Variants in ZNF358 observed in about 807,000 individuals in gnomAD.
ZNF358 encodes zinc finger protein 358.
ZNF358 carries 1 observed loss-of-function variant against 2.1 expected under a neutral mutation model. That is an observed-to-expected ratio of 0.49 (90% CI 0.17 to 2.30). The LOEUF (loss-of-function observed/expected upper bound fraction) is 2.30. Ranked by LOEUF, ZNF358 falls within the 30% of genes most tolerant of loss-of-function variation. The pLI is 0.26. For missense variants in ZNF358, 665 were observed against 806.8 expected (o/e 0.82, Z 2.13); for synonymous variants, 381 against 359.7 (o/e 1.06, Z -0.67).
chr19:7,519,757 C>G lies in ZNF358; in HGVS notation c.515C>G (p.Thr172Arg). The G allele has an allele frequency of 6.5e-7, 1 of 1,528,326 alleles. No homozygotes were observed. The highest frequency in any genetic ancestry group is 8.7e-7 in the Non-Finnish European group (1 of 1,144,220). 94.7% of individuals were successfully genotyped at this position (1,528,326 alleles called of 1,614,324 possible). Residue 172 changes from threonine to arginine, a missense_variant, in exon 2 of 2, where the codon ACG becomes AGG. Thr to Arg is a moderately conservative substitution (Grantham distance 71). Coordinates refer to ENST00000597229, the MANE Select transcript of ZNF358 (RefSeq NM_018083.5). ...TCCGGGCTGAGCCAGCATCGCCGCA[C>G]GCACAGCGGCGAGAAGCCGTACCGC... ...RSSGLSQHRR[T>R]HSGEKPYRCP...
At position 7,520,028 on chromosome 19, in the gene ZNF358, C is replaced by G. The variant is rs1178421537; in HGVS notation, c.786C>G (p.Pro262=). The change falls in exon 2 of 2, where the codon CCC becomes CCG. Residue 262 remains proline, a synonymous_variant. Coordinates refer to ENST00000597229, the MANE Select transcript of ZNF358 (RefSeq NM_018083.5). This position sits in a 1 kb window ranked among gnomAD's most constrained non-coding sequence, Gnocchi z 6.0. ...QHLRTHGGPR[P]HKCPVCAKGF... is the part of the protein sequence containing the mutation. ...TGCGCACGCACGGCGGCCCGCGGCC[C>G]CACAAGTGCCCGGTGTGCGCCAAGG... The G allele has an allele frequency of 3.2e-6, 5 of 1,539,706 alleles. No homozygotes were observed. The highest frequency in any genetic ancestry group is 1.2e-5 in the South Asian group (1 of 85,398).
chr19:7,520,859 C>T lies in ZNF358; in HGVS notation c.1617C>T (p.Pro539=). 1.9e-6 allele frequency: 3 copies of T among 1,614,144 alleles called. No individual in the cohort carries two copies. Among genetic ancestry groups the T allele is most frequent in the Non-Finnish European group, 2.5e-6 (3 of 1,180,036 alleles). Residue 539 remains proline, a synonymous_variant, in exon 2 of 2, where the codon CCC becomes CCT. Transcript: ENST00000597229. The surrounding 1 kb of genome is among the most constrained non-coding windows in gnomAD (Gnocchi z 6.0). ...TGTCCTGCCCTGACCCCTGTTCTCC[C>T]ACTCGTGGCACTGTCAGCCCAGCCC... ...NPVSCPDPCS[P]TRGTVSPALP...
chr19:7,520,971 G>C lies in ZNF358; in HGVS notation c.*22G>C, dbSNP rs532816382. ...CTGAAGGAGACGCCGGCATCCTCGG[G>C]GGCCTGGGGAAGTTGTGTGTTGTGC... is the stretch of plus-strand genomic sequence containing the variant. On this transcript the variant is annotated 3_prime_UTR_variant, in exon 2 of 2. Coordinates refer to ENST00000597229, the MANE Select transcript of ZNF358 (RefSeq NM_018083.5). This position sits in a 1 kb window ranked among gnomAD's most constrained non-coding sequence, Gnocchi z 6.0. 3 of 1,606,898 alleles carry C rather than the reference G, an allele frequency of 1.9e-6. No individual in the cohort carries two copies. In the South Asian group the frequency reaches 3.3e-5, roughly 18 times the overall value.
Position 7,519,851 on chromosome 19 carries a change from GGCGCGGCCGTACCAGT to G in ZNF358, c.618_633del (p.Tyr207AlafsTer12). 3 of 1,530,510 alleles carry G rather than the reference GGCGCGGCCGTACCAGT, an allele frequency of 2.0e-6. No individual in the cohort carries two copies. The highest frequency in any genetic ancestry group is 2.6e-6 in the Non-Finnish European group (3 of 1,145,058). 94.8% of individuals were successfully genotyped at this position (1,530,510 alleles called of 1,614,324 possible). A position where few individuals can be genotyped will look rare whatever the true frequency, so the allele number is the denominator to read the frequency against. ...CTCAGCACCGTGGCATCCACACTGG[GGCGCGGCCGTACCAGT>G]GCGCGGCCTGCGGCAAGGCCTTCGG... On this transcript the variant is annotated frameshift_variant, in exon 2 of 2. Transcript: ENST00000597229. LOFTEE classifies it low-confidence loss of function (END_TRUNC).
rs774882581 is a variant in ZNF358 at position 7,519,728 on chromosome 19, C to A, written c.486C>A (p.Arg162=). The change falls in exon 2 of 2, where the codon CGC becomes CGA. Residue 162 remains arginine, a synonymous_variant. Transcript: ENST00000597229. ...SCPDCGRAFR[R]SSGLSQHRRT... ...CGGATTGCGGGCGAGCCTTCCGCCG[C>A]AGCTCCGGGCTGAGCCAGCATCGCC... 19 of 1,560,390 alleles carry A rather than the reference C, an allele frequency of 1.2e-5. No individual in the cohort carries two copies. The Admixed American group carries it at 3.3e-4, about 27-fold the overall frequency.
upstream of ZNF358, among the ~76,000 whole-genome samples, chr19:7,514,789 C>T (rs2022313874): frequency 6.6e-6 from 1 of 152,144 alleles, no homozygotes; most frequent in South Asian, 2.1e-4. Context: ...CCTGCCACCA[C>T]GCCTGGCTAA....
rs1402220049 is a variant in ZNF358 at position 7,516,427 on chromosome 19, C to T, written c.-39+178C>T. ...TCGCGGGAGCGATGGGGAGGGGACT[C>T]TGCGGCCAGCTCCGGCCTAGCGCAC... On this transcript the variant is annotated intron_variant, in intron 1 of 1. Transcript: ENST00000597229. The surrounding 1 kb of genome is among the most constrained non-coding windows in gnomAD (Gnocchi z 5.9). Among the ~76,000 whole-genome samples the T allele has an allele frequency of 6.6e-6, 1 of 150,718 alleles. No individual in the cohort carries two copies. Among genetic ancestry groups the T allele is most frequent in the Non-Finnish European group, 1.5e-5 (1 of 67,598 alleles).
At position 7,521,000 on chromosome 19, in the gene ZNF358, C is replaced by T. The variant is rs1261153451; in HGVS notation, c.*51C>T. 6.3e-7 allele frequency: 1 copy of T among 1,576,066 alleles called. No homozygotes were observed. The highest frequency in any genetic ancestry group is 8.6e-7 in the Non-Finnish European group (1 of 1,158,560). ...CTGGGGAAGTTGTGTGTTGTGCAGT[C>T]AGTAAAATCCTCCCACTGCCTCCGG... On this transcript the variant is annotated 3_prime_UTR_variant, in exon 2 of 2. Coordinates refer to ENST00000597229, the MANE Select transcript of ZNF358 (RefSeq NM_018083.5). The surrounding 1 kb of genome is among the most constrained non-coding windows in gnomAD (Gnocchi z 6.0).
upstream of ZNF358, chr19:7,515,968 G>T (rs969419148): frequency 6.6e-6 from 1 of 151,908 alleles, no homozygotes; most frequent in African/African-American, 2.4e-5. Flanking sequence ...GCAGACAAAG[G>T]CGCGGCCGCG....
rs1161969465 is a variant in ZNF358 at position 7,520,546 on chromosome 19, T to C, written c.1304T>C (p.Val435Ala). Residue 435 changes from valine to alanine, a missense_variant, in exon 2 of 2, where the codon GTC becomes GCC. Around this residue, in one of 3 missense-constraint regions of ZNF358, gnomAD observed 249 missense variants for 227.6 expected, o/e 1.09. Transcript: ENST00000597229. The surrounding 1 kb of genome is among the most constrained non-coding windows in gnomAD (Gnocchi z 6.0). ...GCATCCATGATGAGGCCGGGGCAGG[T>C]CTCCCTCCTGGGTCCTGATGCTGTT... ...SPASMMRPGQ[V>A]SLLGPDAVSV... 1 of 1,260,700 alleles carries C rather than the reference T, an allele frequency of 7.9e-7. No individual in the cohort carries two copies. The highest frequency in any genetic ancestry group is 1.1e-6 in the Non-Finnish European group (1 of 882,862). 78.1% of individuals were successfully genotyped at this position (1,260,700 alleles called of 1,614,324 possible).
rs2022334623 is a variant in ZNF358, at chr19:7,516,150, G to T, written c.-138G>T. 6.9e-6 allele frequency: 1 copy of T among 145,782 alleles called. No individual in the cohort carries two copies. The highest frequency in any genetic ancestry group is 1.5e-5 in the Non-Finnish European group (1 of 65,422). The allele number at this position is 145,782 out of a possible 1,614,324, so 9.0% of individuals were successfully genotyped here. On this transcript the variant is annotated 5_prime_UTR_variant, in exon 1 of 2. Transcript: ENST00000597229. The surrounding 1 kb of genome is among the most constrained non-coding windows in gnomAD (Gnocchi z 5.9). ...CTGGCGGGGCCGCTGGGCCGAGGGG[G>T]CCGCCGGCGGGGCTGGCGGGCGGGG... is the stretch of plus-strand genomic sequence containing the variant.
At position 7,519,994 on chromosome 19, in the gene ZNF358, C is replaced by A; in HGVS notation, c.752C>A (p.Ala251Glu). 6.6e-7 allele frequency: 1 copy of A among 1,518,876 alleles called. No individual in the cohort carries two copies. The highest frequency in any genetic ancestry group is 8.8e-7 in the Non-Finnish European group (1 of 1,139,212). The allele number at this position is 1,518,876 out of a possible 1,614,324, so 94.1% of individuals were successfully genotyped here. A position where few individuals can be genotyped will look rare whatever the true frequency, so the allele number is the denominator to read the frequency against. ...GCCTTCGGGCACGGCTCGCTCCTGGCACAGCACCTGCGCACGCACGGCGGC... is the reference window on the plus strand; with the variant it reads ...GCCTTCGGGCACGGCTCGCTCCTGGAACAGCACCTGCGCACGCACGGCGGC... ...GKAFGHGSLL[A>E]QHLRTHGGPR... is the part of the protein sequence containing the mutation. The change falls in exon 2 of 2, where the codon GCA (alanine) becomes GAA (glutamate). Residue 251 changes from alanine (A) to glutamate (E), a missense_variant. Ala to Glu is a moderately radical substitution (Grantham distance 107). Coordinates refer to ENST00000597229, the MANE Select transcript of ZNF358 (RefSeq NM_018083.5).
At position 7,519,982 on chromosome 19, in the gene ZNF358, G is replaced by T. The variant is rs1299878185; in HGVS notation, c.740G>T (p.Gly247Val). The change falls in exon 2 of 2, where the codon GGC (glycine) becomes GTC (valine). Residue 247 changes from glycine to valine, a missense_variant. By Grantham distance (109) the Gly-to-Val change is moderately radical. Coordinates refer to ENST00000597229, the MANE Select transcript of ZNF358 (RefSeq NM_018083.5). The part of the protein sequence containing the change: ...CPVCGKAFGH[G>V]SLLAQHLRTH... ...GTGTGTGGCAAGGCCTTCGGGCACG[G>T]CTCGCTCCTGGCACAGCACCTGCGC... The T allele has an allele frequency of 6.6e-7, 1 of 1,518,832 alleles. No individual in the cohort carries two copies. Among genetic ancestry groups the T allele is most frequent in the South Asian group, 1.2e-5 (1 of 81,992 alleles). 94.1% of individuals were successfully genotyped at this position (1,518,832 alleles called of 1,614,324 possible).
intron 1 of ZNF358, among the ~76,000 whole-genome samples, chr19:7,518,280 C>G (rs1186537384): frequency 6.6e-6 from 1 of 152,110 alleles, no homozygotes; most frequent in Admixed American, 6.6e-5. Flanking sequence ...TCCTTGCAGT[C>G]AGAGACAAGG....
chr19:7,518,131 G>A (rs2022370820), intron 1 of ZNF358, among the ~76,000 whole-genome samples: 1 of 152,204 alleles, frequency 6.6e-6, no homozygotes, highest in South Asian at 2.1e-4. Flanking sequence ...GAGGTGCAGA[G>A]CCATGGAGTT....
At chr19:7,518,557 G>GAGAAAAAGAA (rs2022385859) in intron 1 of ZNF358, among the ~76,000 whole-genome samples, 1 of 116,066 alleles carries the variant, frequency 8.6e-6, no homozygotes, top group Non-Finnish European at 1.7e-5. Flanking sequence ...GAGAGAGAGA[G>GAGAAAAAGAA]AGAAAGAAAG....
rs1483227643 is a variant in ZNF358 at position 7,519,902 on chromosome 19, C to G, written c.660C>G (p.Ser220=). 6.5e-7 allele frequency: 1 copy of G among 1,528,260 alleles called. No homozygotes were observed. Among genetic ancestry groups the G allele is most frequent in the Admixed American group, 2.0e-5 (1 of 50,446 alleles). 94.7% of individuals were successfully genotyped at this position (1,528,260 alleles called of 1,614,324 possible). A position where few individuals can be genotyped will look rare whatever the true frequency, so the allele number is the denominator to read the frequency against. The change falls in exon 2 of 2, where the codon TCC becomes TCG. Residue 220 remains serine (S), a synonymous_variant. Coordinates refer to ENST00000597229, the MANE Select transcript of ZNF358 (RefSeq NM_018083.5). Reference sequence around the variant, plus strand: ...GCGGCAAGGCCTTCGGCTGGCGCTCCACGCTGCTGAAACATCGCAGCAGCC... The same window carrying G: ...GCGGCAAGGCCTTCGGCTGGCGCTCGACGCTGCTGAAACATCGCAGCAGCC... ...AACGKAFGWR[S]TLLKHRSSHS...
chr19:7,516,928 C>T lies in ZNF358; in HGVS notation c.-39+679C>T, dbSNP rs1395636587. Among the ~76,000 whole-genome samples, 1 of 152,094 alleles carries T rather than the reference C, an allele frequency of 6.6e-6. No individual in the cohort carries two copies. The highest frequency in any genetic ancestry group is 1.5e-5 in the Non-Finnish European group (1 of 68,000). Reference sequence around the variant, plus strand: ...CTCTGCCCCTGATGCAGGAGGGGTCCCAGGTCTTGTTTCCCCCACTCTCCA... The same window carrying T: ...CTCTGCCCCTGATGCAGGAGGGGTCTCAGGTCTTGTTTCCCCCACTCTCCA... On this transcript the variant is annotated intron_variant, in intron 1 of 1. Coordinates refer to ENST00000597229, the MANE Select transcript of ZNF358 (RefSeq NM_018083.5). This position sits in a 1 kb window ranked among gnomAD's most constrained non-coding sequence, Gnocchi z 5.9.
Position 7,519,668 on chromosome 19 carries a change from C to G in ZNF358, c.426C>G (p.Pro142=), listed in dbSNP as rs374849560. ...TGGCCACCAGCCCCGCGGTGCTCCCCGCCCCCGCCAGCCCGCCCCGGCCCT... is the reference window on the plus strand; with the variant it reads ...TGGCCACCAGCCCCGCGGTGCTCCCGGCCCCCGCCAGCCCGCCCCGGCCCT... ...QVLATSPAVL[P]APASPPRPFS... The change falls in exon 2 of 2, where the codon CCC becomes CCG. Residue 142 remains proline, a synonymous_variant. Coordinates refer to ENST00000597229, the MANE Select transcript of ZNF358 (RefSeq NM_018083.5). The G allele has an allele frequency of 1.9e-6, 3 of 1,575,950 alleles. No homozygotes were observed. The highest frequency in any genetic ancestry group is 2.3e-5 in the South Asian group (2 of 88,052).
Sources: gnomAD v4.1 joint callset for allele counts (sites outside exome capture counted in the v4.1 genomes callset) on GRCh38, gnomAD v4.1.1 for gene constraint, gnomAD v4.1.1 regional missense constraint, Gnocchi (gnomAD v3.1) non-coding constraint, MANE v1.5 for transcripts, NCBI Gene and HGNC (gene_info 2026-07-23, HGNC 2026-07-21) for gene names.